FANK1: variants seen among roughly 807,000 people sequenced by gnomAD.
The protein encoded by FANK1 is fibronectin type 3 and ankyrin repeat domains protein 1.
A neutral mutation model predicts 45.3 loss-of-function variants in FANK1; 44 were observed. The ratio of observed to expected loss-of-function variants is 0.97; its 90% CI spans 0.76 to 1.25. The LOEUF (loss-of-function observed/expected upper bound fraction) is 1.25. FANK1 is among the 50% of genes most tolerant of loss of function. The pLI, the probability that FANK1 is intolerant of heterozygous loss-of-function variation, is 0.00. For missense variants in FANK1, 391 were observed against 424.4 expected (o/e 0.92, Z 0.69); for synonymous variants, 149 against 152.5 (o/e 0.98, Z 0.17).
chr10:125,995,313 C>G (rs112629820), intron 3 of FANK1, 104 bp from the exon 4 acceptor site: 2 of 976,156 alleles, frequency 2.0e-6, no homozygotes, highest in Non-Finnish European at 3.2e-6. Flanking sequence ...AATAGCCAAG[C>G]GCCTTCCTGA....
intron 1 of FANK1, among the ~76,000 whole-genome samples, chr10:125,971,973 A>G (rs1317474760): frequency 1.3e-5 from 2 of 152,120 alleles, no homozygotes; most frequent in Non-Finnish European, 2.9e-5. Flanking sequence ...GCAGTATGGT[A>G]CAAGGTTAAA....
At chr10:125,934,846 C>T (rs966990874) in intron 1 of FANK1, among the ~76,000 whole-genome samples, 1 of 140,862 alleles carries the variant, frequency 7.1e-6, no homozygotes, top group Admixed American at 7.8e-5. Context: ...TCTGAATCAT[C>T]AGGTGACAAC....
At chr10:125,946,306 C>T (rs1388707163) in intron 1 of FANK1, among the ~76,000 whole-genome samples, 12 of 149,388 alleles carry the variant, frequency 8.0e-5, no homozygotes, top group Admixed American at 8.0e-4. Flanking sequence ...GATCAAATTA[C>T]TCTGAGCTAC....
chr10:125,925,028 T>C (rs1947248444), intron 1 of FANK1, among the ~76,000 whole-genome samples: 1 of 152,216 alleles, frequency 6.6e-6, no homozygotes, highest in African/African-American at 2.4e-5. Context: ...CTCGTCTATA[T>C]GGTTAATTTT....
intron 4 of FANK1, 121 bp from the exon 5 acceptor site, chr10:125,996,429 G>T: frequency 1.3e-6 from 1 of 793,666 alleles, no homozygotes; most frequent in Non-Finnish European, 2.1e-6. Flanking sequence ...TGGCCACAAA[G>T]AAATTGGAAT....
chr10:125,958,629 C>G (rs554970211), intron 1 of FANK1, among the ~76,000 whole-genome samples: 1 of 152,172 alleles, frequency 6.6e-6, no homozygotes, highest in South Asian at 2.1e-4. Flanking sequence ...GTTCCCTTTT[C>G]TCTACATCCT....
intron 1 of FANK1, among the ~76,000 whole-genome samples, chr10:125,970,131 G>A (rs902725980): frequency 1.3e-5 from 2 of 152,188 alleles, no homozygotes; most frequent in East Asian, 1.9e-4. Flanking sequence ...TTCTCAATGA[G>A]CTGTTGGGTA....
chr10:125,979,808 G>A, intron 1 of FANK1: 1 of 468,806 alleles, frequency 2.1e-6, no homozygotes, highest in South Asian at 1.5e-5. Flanking sequence ...TTTGTCTCTT[G>A]GCTTTGTTAG....
At chr10:125,951,375 T>C (rs934302025) in intron 1 of FANK1, among the ~76,000 whole-genome samples, 4 of 152,156 alleles carry the variant, frequency 2.6e-5, no homozygotes, top group Non-Finnish European at 5.9e-5. Context: ...TTCTGCTTGA[T>C]TCTCTGTAAA....
Position 126,009,107 on chromosome 10 carries a change from G to A in FANK1, c.903G>A (p.Gly301=), listed in dbSNP as rs780406541. The change falls in exon 9 of 11, where the codon GGG becomes GGA. Residue 301 remains glycine, a synonymous_variant. Coordinates refer to ENST00000368693, the MANE Select transcript of FANK1 (RefSeq NM_145235.5). ...EELVQLLLDK[G]ADASVKNEFG... is the part of the protein sequence containing the mutation. Reference sequence around the variant, plus strand: ...TAGTTCAGTTACTTCTTGACAAAGGGGCAGATGCAAGTGTAAAAAATGAGG... The same window carrying A: ...TAGTTCAGTTACTTCTTGACAAAGGAGCAGATGCAAGTGTAAAAAATGAGG... 1.2e-6 allele frequency: 2 copies of A among 1,614,184 alleles called. No homozygotes were observed. The highest frequency in any genetic ancestry group is 2.2e-5 in the South Asian group (2 of 91,078).
At chr10:125,950,348 A>G (rs1230015461) in intron 1 of FANK1, among the ~76,000 whole-genome samples, 11 of 148,574 alleles carry the variant, frequency 7.4e-5, no homozygotes, top group African/African-American at 2.2e-4. Flanking sequence ...AATGGGAGAA[A>G]ATTTTCGCAA....
intron 1 of FANK1, among the ~76,000 whole-genome samples, chr10:125,971,410 C>T (rs1950505568): frequency 6.6e-6 from 1 of 151,772 alleles, no homozygotes; most frequent in African/African-American, 2.4e-5. Flanking sequence ...GACCTCGGTG[C>T]TATAATAAGT....
At chr10:125,956,409 AT>A (rs1949582969) in intron 1 of FANK1, among the ~76,000 whole-genome samples, 1 of 152,196 alleles carries the variant, frequency 6.6e-6, no homozygotes, top group Non-Finnish European at 1.5e-5. Flanking sequence ...TCCAAATATA[AT>A]GCAAGTTATA....
intron 1 of FANK1, among the ~76,000 whole-genome samples, chr10:125,932,007 A>T (rs767010117): frequency 6.6e-6 from 1 of 152,070 alleles, no homozygotes; most frequent in Non-Finnish European, 1.5e-5. Context: ...TCAGTTGGTT[A>T]TAAGTGTTTG....
At chr10:125,971,653 G>A (rs1564927291) in intron 1 of FANK1, among the ~76,000 whole-genome samples, 1 of 151,924 alleles carries the variant, frequency 6.6e-6, no homozygotes, top group African/African-American at 2.4e-5. Flanking sequence ...ACGGAGTCTC[G>A]CTCCGTCGCC....
At chr10:125,996,441 T>C in intron 4 of FANK1, 109 bp from the exon 5 acceptor site, 1 of 916,600 alleles carries the variant, frequency 1.1e-6, no homozygotes, top group South Asian at 1.8e-5. Context: ...AATTGGAATT[T>C]TCAGTAAAAT....
Position 126,009,557 on chromosome 10 carries a change from C to G in FANK1, c.*119C>G. The G allele has an allele frequency of 9.8e-7, 1 of 1,019,236 alleles. No homozygotes were observed. Among genetic ancestry groups the G allele is most frequent in the South Asian group, 1.5e-5 (1 of 64,646 alleles). 63.1% of individuals were successfully genotyped at this position (1,019,236 alleles called of 1,614,324 possible). A position where few individuals can be genotyped will look rare whatever the true frequency, so the allele number is the denominator to read the frequency against. On this transcript the variant is annotated 3_prime_UTR_variant, in exon 11 of 11. Transcript: ENST00000368693. Reference sequence around the variant, plus strand: ...ACATTTATTTATTTAGTTGAAGATTCACTGATCCCACTTTGAAATACATCT... The same window carrying G: ...ACATTTATTTATTTAGTTGAAGATTGACTGATCCCACTTTGAAATACATCT...
intron 1 of FANK1, among the ~76,000 whole-genome samples, chr10:125,967,763 C>A (rs1950270421): frequency 6.6e-6 from 1 of 151,994 alleles, no homozygotes; most frequent in Non-Finnish European, 1.5e-5. Flanking sequence ...GCCAGCATGC[C>A]CAGACAGAAA....
intron 6 of FANK1, among the ~76,000 whole-genome samples, chr10:126,000,535 T>G (rs1952679195): frequency 6.6e-6 from 1 of 152,154 alleles, no homozygotes; most frequent in African/African-American, 2.4e-5. Context: ...AAAAGTCAAG[T>G]TAGATCCTGG....
Sources: allele counts gnomAD v4.1 joint callset (sites outside exome capture counted in the v4.1 genomes callset), GRCh38; gene constraint gnomAD v4.1.1; transcripts MANE v1.5; gene names NCBI Gene and HGNC (gene_info 2026-07-23, HGNC 2026-07-21).